STAT3: variants seen among roughly 807,000 people sequenced by gnomAD.
STAT3 encodes the protein DNA-binding protein APRF.
Under a neutral mutation model 114.3 loss-of-function variants are expected in STAT3, and 7 were observed. The observed-to-expected ratio is 0.06, with a 90% CI of 0.03 to 0.11. The LOEUF (loss-of-function observed/expected upper bound fraction) is 0.11. Among genes scored for constraint, STAT3 ranks in the 10% least tolerant of loss-of-function variants. The pLI is 1.00. For missense variants in STAT3, 364 were observed against 960.9 expected (o/e 0.38, Z 8.21); for synonymous variants, 331 against 354.5 (o/e 0.93, Z 0.74).
At chr17:42,381,053 GAC>G (rs2084763941) in intron 1 of STAT3, among the ~76,000 whole-genome samples, 1 of 152,160 alleles carries the variant, frequency 6.6e-6, no homozygotes. Flanking sequence ...CACAATTGTG[GAC>G]AGAGAAACTG....
At chr17:42,371,728 T>C (rs2084155992) in intron 1 of STAT3, among the ~76,000 whole-genome samples, 1 of 146,120 alleles carries the variant, frequency 6.8e-6, no homozygotes, top group Non-Finnish European at 1.5e-5. Flanking sequence ...ATGCCTGTAA[T>C]CCTAACACTT....
At chr17:42,334,852 C>T (rs1373473231) in intron 8 of STAT3, among the ~76,000 whole-genome samples, 1 of 152,158 alleles carries the variant, frequency 6.6e-6, no homozygotes, top group Non-Finnish European at 1.5e-5. Context: ...CACTAGGAGG[C>T]ATTGATGGAG....
chr17:42,359,081 G>A (rs1297968718), intron 1 of STAT3, among the ~76,000 whole-genome samples: 4 of 151,582 alleles, frequency 2.6e-5, no homozygotes, highest in African/African-American at 9.7e-5. Context: ...GACTCCAGGC[G>A]CCCGCCACCA....
rs776720652 is a variant in STAT3 at position 42,356,441 on chromosome 17, C to T, written c.-23-7902G>A. 3.3e-5 allele frequency among the ~76,000 whole-genome samples: 5 copies of T among 150,880 alleles called. No individual in the cohort carries two copies. The East Asian group carries it at 5.8e-4, about 18-fold the overall frequency. On this transcript the variant is annotated intron_variant, in intron 1 of 23. Coordinates refer to ENST00000264657, the MANE Select transcript of STAT3 (RefSeq NM_139276.3). ...CTGTACTCCAGCTTGGGTGACACAG[C>T]GAGACCCTGTCTCCGAAAAAATAAA...
rs965611089 is a variant in STAT3, at chr17:42,315,539, A to G, written c.*206T>C. The G allele has an allele frequency of 4.1e-5, 26 of 637,216 alleles. No individual in the cohort carries two copies. The highest frequency in any genetic ancestry group is 6.7e-5 in the Non-Finnish European group (24 of 357,044). The allele number at this position is 637,216 out of a possible 1,614,324, so 39.5% of individuals were successfully genotyped here. On this transcript the variant is annotated 3_prime_UTR_variant, in exon 24 of 24. Coordinates refer to ENST00000264657, the MANE Select transcript of STAT3 (RefSeq NM_139276.3). ...AGAACACATCCTTATTTGCATTTAG[A>G]TAAAAGCAGATCACCCACATTCACT...
chr17:42,346,550 C>G lies in STAT3; in HGVS notation c.273+19G>C. Reference sequence around the variant, plus strand: ...CTCTGCGGGTCCTGTTTCTCCTTGTCCTCAGTTTCTCATCATACCTGAAGA... The same window carrying G: ...CTCTGCGGGTCCTGTTTCTCCTTGTGCTCAGTTTCTCATCATACCTGAAGA... On this transcript the variant is annotated intron_variant, in intron 3 of 23. Coordinates refer to ENST00000264657, the MANE Select transcript of STAT3 (RefSeq NM_139276.3). 1 of 1,614,062 alleles carries G rather than the reference C, an allele frequency of 6.2e-7. No individual in the cohort carries two copies. The highest frequency in any genetic ancestry group is 8.5e-7 in the Non-Finnish European group (1 of 1,180,002).
rs1251577049 is a variant in STAT3, at chr17:42,325,044, A to G, written c.1383T>C (p.Val461=). The G allele has an allele frequency of 6.2e-7, 1 of 1,614,022 alleles. No homozygotes were observed. Among genetic ancestry groups the G allele is most frequent in the East Asian group, 2.2e-5 (1 of 44,888 alleles). Reference sequence around the variant, plus strand: ...TCTGACAGATGTTGGAGATCACCACAACTGGCAAGGAGTGGGTCTGCGGAG... The same window carrying G: ...TCTGACAGATGTTGGAGATCACCACGACTGGCAAGGAGTGGGTCTGCGGAG... The part of the protein sequence containing the change: ...KIDLETHSLP[V]VVISNICQMP... Residue 461 remains valine (V), a synonymous_variant, in exon 16 of 24, where the codon GTT becomes GTC. Transcript: ENST00000264657.
Position 42,348,424 on chromosome 17 carries a change from C to T in STAT3, c.93G>A (p.Arg31=). The T allele has an allele frequency of 1.2e-6, 2 of 1,614,136 alleles. No homozygotes were observed. Among genetic ancestry groups the T allele is most frequent in the Admixed American group, 1.7e-5 (1 of 60,022 alleles). ...LYSDSFPMEL[R]QFLAPWIESQ... is the part of the protein sequence containing the mutation. ...TCTCAATCCAAGGGGCCAGAAACTG[C>T]CGCAGCTCCATTGGGAAGCTGTCAC... Residue 31 remains arginine, a synonymous_variant, in exon 2 of 24, where the codon CGG becomes CGA. Coordinates refer to ENST00000264657, the MANE Select transcript of STAT3 (RefSeq NM_139276.3).
chr17:42,367,012 G>T (rs368713226), intron 1 of STAT3, among the ~76,000 whole-genome samples: 2 of 152,136 alleles, frequency 1.3e-5, no homozygotes, highest in South Asian at 2.1e-4. Flanking sequence ...GTAGTGGCAG[G>T]CGCCTGTAAT....
At chr17:42,316,343 C>T (rs1387036626) in intron 23 of STAT3, 5 of 360,654 alleles carry the variant, frequency 1.4e-5, no homozygotes, top group Non-Finnish European at 2.7e-5. Context: ...TCAAGCGATC[C>T]TCCCACCTCA....
chr17:42,316,555 G>A (rs1427397631), intron 23 of STAT3: 1 of 1,169,862 alleles, frequency 8.5e-7, no homozygotes, highest in Non-Finnish European at 1.2e-6. Flanking sequence ...GAGTATGTTG[G>A]ATTTAGTGGG....
At chr17:42,340,470 C>T (rs1049268390) in intron 4 of STAT3, among the ~76,000 whole-genome samples, 5 of 150,818 alleles carry the variant, frequency 3.3e-5, no homozygotes, top group South Asian at 2.1e-4. Context: ...AGTTTGAGAC[C>T]GGCCCAGGGA....
At chr17:42,352,223 C>G (rs1274298840) in intron 1 of STAT3, among the ~76,000 whole-genome samples, 1 of 151,886 alleles carries the variant, frequency 6.6e-6, no homozygotes, top group Non-Finnish European at 1.5e-5. Flanking sequence ...TCTGTAATCC[C>G]AGCTACTCAG....
chr17:42,387,181 A>T (rs1055273315), intron 1 of STAT3: 2 of 152,234 alleles, frequency 1.3e-5, no homozygotes, highest in African/African-American at 4.8e-5. Context: ...AATTAAAAAA[A>T]TGACTAACCA....
At chr17:42,351,332 A>G (rs1426393198) in intron 1 of STAT3, among the ~76,000 whole-genome samples, 1 of 151,312 alleles carries the variant, frequency 6.6e-6, no homozygotes, top group Non-Finnish European at 1.5e-5. Flanking sequence ...TGTAGCCTCA[A>G]CTTCCCAGCT....
At chr17:42,375,140 A>T (rs1170958529) in intron 1 of STAT3, among the ~76,000 whole-genome samples, 1 of 152,232 alleles carries the variant, frequency 6.6e-6, no homozygotes, top group Non-Finnish European at 1.5e-5. Context: ...CGTGCATACC[A>T]AGAAGAGTAA....
chr17:42,345,392 G>A lies in STAT3; in HGVS notation c.372+167C>T, dbSNP rs886250668. The A allele has an allele frequency of 7.8e-6, 5 of 643,466 alleles. No individual in the cohort carries two copies. The South Asian group carries it at 8.2e-5, about 11-fold the overall frequency. The allele number at this position is 643,466 out of a possible 1,614,324, so 39.9% of individuals were successfully genotyped here. ...TAGAGTTTTTCAATGTATTTTGGGG[G>A]GTGGAACTTTCTTTTTTTTTAGAGT... On this transcript the variant is annotated intron_variant, in intron 4 of 23. Transcript: ENST00000264657.
intron 1 of STAT3, among the ~76,000 whole-genome samples, chr17:42,368,096 G>A (rs894769699): frequency 1.2e-4 from 19 of 152,182 alleles, no homozygotes; most frequent in African/African-American, 4.1e-4. Flanking sequence ...CAGCTACTCA[G>A]GAGGCTGAAG....
chr17:42,359,593 G>A (rs1228958962), intron 1 of STAT3, among the ~76,000 whole-genome samples: 2 of 152,166 alleles, frequency 1.3e-5, no homozygotes, highest in African/African-American at 4.8e-5. Context: ...TGGTTAAAGA[G>A]CAGTCGAAAT....
Sources: gnomAD v4.1 joint callset for allele counts (sites outside exome capture counted in the v4.1 genomes callset) on GRCh38, gnomAD v4.1.1 for gene constraint, MANE v1.5 for transcripts, NCBI Gene and HGNC (gene_info 2026-07-23, HGNC 2026-07-21) for gene names.